The following ITIH5 variants were observed in gnomAD, a reference collection of about 807,000 sequenced individuals.
The protein encoded by ITIH5 is inter-alpha-trypsin inhibitor heavy chain 5.
Under a neutral mutation model 77.5 loss-of-function variants are expected in ITIH5, and 65 were observed. The ratio of observed to expected loss-of-function variants is 0.84; its 90% CI spans 0.69 to 1.03. The LOEUF (loss-of-function observed/expected upper bound fraction) is 1.03. Ranked by LOEUF, ITIH5 falls within the 50% of genes least tolerant of loss-of-function variation. ITIH5 has a pLI of 0.00. For missense variants in ITIH5, 1,208 were observed against 1,213.1 expected, an observed-to-expected ratio of 1.00 and a Z score of 0.06; for synonymous variants, 525 against 494.3, an observed-to-expected ratio of 1.06 and a Z score of -0.82.
At chr10:7,574,071 C>CT (rs1832359309) in intron 10 of ITIH5, among the ~76,000 whole-genome samples, 2 of 152,306 alleles carry the variant, frequency 1.3e-5, no homozygotes, top group Admixed American at 1.3e-4. Flanking sequence ...AATCCAGTGT[C>CT]TGTAGCTATG....
At chr10:7,658,237 T>C (rs1834219426) in intron 1 of ITIH5, among the ~76,000 whole-genome samples, 1 of 152,242 alleles carries the variant, frequency 6.6e-6, no homozygotes, top group Non-Finnish European at 1.5e-5. Flanking sequence ...AAAATGCAGA[T>C]ATTTCCATTT....
chr10:7,595,363 T>C (rs1421287795), intron 7 of ITIH5, among the ~76,000 whole-genome samples: 3 of 152,116 alleles, frequency 2.0e-5, no homozygotes, highest in Non-Finnish European at 1.5e-5. Context: ...ACTATTCGGG[T>C]AGCGAAGACA....
At chr10:7,592,451 GAGAC>G (rs1045839878) in intron 7 of ITIH5, among the ~76,000 whole-genome samples, 10 of 152,098 alleles carry the variant, frequency 6.6e-5, no homozygotes, top group East Asian at 3.9e-4. Context: ...AGAGGAGACA[GAGAC>G]AGACAGACAG....
At chr10:7,651,238 T>C (rs996032000) in intron 2 of ITIH5, among the ~76,000 whole-genome samples, 2 of 151,140 alleles carry the variant, frequency 1.3e-5, no homozygotes, top group African/African-American at 4.9e-5. Context: ...ATACCTTTGA[T>C]ATATAAACCG....
intron 2 of ITIH5, among the ~76,000 whole-genome samples, chr10:7,645,768 A>T (rs901174063): frequency 6.6e-6 from 1 of 152,230 alleles, no homozygotes; most frequent in African/African-American, 2.4e-5. Context: ...GATTAGGATT[A>T]AAAAAGAGAC....
chr10:7,642,612 G>A (rs557062243), intron 2 of ITIH5, among the ~76,000 whole-genome samples: 37 of 152,258 alleles, frequency 2.4e-4, no homozygotes, highest in African/African-American at 8.9e-4. Context: ...TGTGAAATAG[G>A]AATCAATACT....
intron 5 of ITIH5, among the ~76,000 whole-genome samples, chr10:7,630,484 G>A (rs923826423): frequency 1.1e-4 from 16 of 152,142 alleles, no homozygotes; most frequent in Non-Finnish European, 1.5e-5. Context: ...TCTTCCCCAA[G>A]GCTTGTAACT....
Position 7,644,654 on chromosome 10 carries a change from A to G in ITIH5, c.136-2564T>C, listed in dbSNP as rs531246584. Reference sequence around the variant, plus strand: ...ATATCACATATATATCATATATATCACATATATATCATATATATCACATAT... The same window carrying G: ...ATATCACATATATATCATATATATCGCATATATATCATATATATCACATAT... On this transcript the variant is annotated intron_variant, in intron 2 of 13. Coordinates refer to ENST00000397146, the MANE Select transcript of ITIH5 (RefSeq NM_030569.7). Among the ~76,000 whole-genome samples, 274 of 132,802 alleles carry G rather than the reference A, an allele frequency of 2.1e-3. 3 individuals are homozygous for G. The highest frequency in any genetic ancestry group is 7.7e-3 in the African/African-American group (262 of 33,972). The allele number at this position is 132,802 out of a possible 152,430, so 87.1% of individuals were successfully genotyped here.
In ITIH5 at chr10:7,648,979, T is replaced by C. The variant is rs150840108; in HGVS notation, c.135+6652A>G. 8.3e-4 allele frequency among the ~76,000 whole-genome samples: 127 copies of C among 152,302 alleles called. 1 individual carries two copies. The highest frequency in any genetic ancestry group is 3.0e-3 in the African/African-American group (125 of 41,570). Reference sequence around the variant, plus strand: ...CTACAATTCTCCCAGGAGCCCCTGCTCTTACTGACATACCACAGCCTGGCC... The same window carrying C: ...CTACAATTCTCCCAGGAGCCCCTGCCCTTACTGACATACCACAGCCTGGCC... On this transcript the variant is annotated intron_variant, in intron 2 of 13. Transcript: ENST00000397146.
intron 5 of ITIH5, among the ~76,000 whole-genome samples, chr10:7,635,581 C>T (rs1833786062): frequency 6.6e-6 from 1 of 152,128 alleles, no homozygotes; most frequent in African/African-American, 2.4e-5. Flanking sequence ...TTGGAGTCAA[C>T]ACATAACAAA....
chr10:7,644,510 G>T (rs117959387), intron 2 of ITIH5, among the ~76,000 whole-genome samples: 2 of 54,586 alleles, frequency 3.7e-5, no homozygotes, highest in Non-Finnish European at 6.8e-5. Context: ...ACATATATAT[G>T]ATATATATCA....
At chr10:7,592,436 G>A (rs2130989522) in intron 7 of ITIH5, among the ~76,000 whole-genome samples, 1 of 152,186 alleles carries the variant, frequency 6.6e-6, no homozygotes, top group East Asian at 1.9e-4. Flanking sequence ...GAGAAGAACA[G>A]AGATAGAGGA....
chr10:7,598,924 A>G (rs1023014420), intron 7 of ITIH5, among the ~76,000 whole-genome samples: 2 of 152,230 alleles, frequency 1.3e-5, no homozygotes, highest in Non-Finnish European at 2.9e-5. Flanking sequence ...TTGTGTTTGC[A>G]TAACATTACT....
At chr10:7,566,748 G>A (rs1588355537) in intron 12 of ITIH5, among the ~76,000 whole-genome samples, 1 of 59,164 alleles carries the variant, frequency 1.7e-5, no homozygotes, top group Non-Finnish European at 3.1e-5. Context: ...AAAAGAAGAA[G>A]AAGAAGAAGA....
intron 12 of ITIH5, chr10:7,569,464 C>T (rs887839959): frequency 2.1e-5 from 9 of 426,452 alleles, no homozygotes; most frequent in African/African-American, 4.4e-5. Context: ...AGGCATGTGC[C>T]CAAGGTCACA....
chr10:7,626,507 C>T (rs1833580701), intron 5 of ITIH5, among the ~76,000 whole-genome samples: 1 of 152,150 alleles, frequency 6.6e-6, no homozygotes, highest in Non-Finnish European at 1.5e-5. Flanking sequence ...GGCAAAGGTA[C>T]AGAGATTTCG....
intron 2 of ITIH5, among the ~76,000 whole-genome samples, chr10:7,643,216 A>G (rs767781593): frequency 1.3e-5 from 2 of 152,228 alleles, no homozygotes; most frequent in Non-Finnish European, 2.9e-5. Flanking sequence ...AACCCTGCAG[A>G]ACCTGGGTCT....
chr10:7,574,725 A>C (rs544059152), intron 10 of ITIH5, among the ~76,000 whole-genome samples: 1 of 149,002 alleles, frequency 6.7e-6, no homozygotes, highest in African/African-American at 2.5e-5. Context: ...CCTGGGAGGC[A>C]GAGCTTGCAG....
At chr10:7,618,748 A>C (rs1795269301) in intron 5 of ITIH5, 1 of 152,268 alleles carries the variant, frequency 6.6e-6, no homozygotes, top group Admixed American at 6.5e-5. Context: ...ATGAAAAAGG[A>C]AATGAGGCGT....
Sources: gnomAD v4.1 joint callset for allele counts (sites outside exome capture counted in the v4.1 genomes callset) on GRCh38, gnomAD v4.1.1 for gene constraint, MANE v1.5 for transcripts, NCBI Gene and HGNC (gene_info 2026-07-23, HGNC 2026-07-21) for gene names.